Variants in STXBP5L observed in about 807,000 individuals in gnomAD.
STXBP5L encodes syntaxin-binding protein 5-like.
Under a neutral mutation model 144.5 loss-of-function variants are expected in STXBP5L, and 65 were observed. The ratio of observed to expected loss-of-function variants is 0.45; its 90% CI spans 0.37 to 0.55. The LOEUF (loss-of-function observed/expected upper bound fraction) is 0.55. Ranked by LOEUF, STXBP5L falls within the 20% of genes least tolerant of loss-of-function variation. STXBP5L has a pLI of 0.00. For synonymous variants in STXBP5L, 505 were observed against 469.6 expected (o/e 1.08, Z -0.97); for missense variants, 1,298 against 1,405.5 (o/e 0.92, Z 1.22).
At chr3:121,162,035 G>T (rs1398673006) in intron 9 of STXBP5L, among the ~76,000 whole-genome samples, 3 of 152,046 alleles carry the variant, frequency 2.0e-5, no homozygotes, top group East Asian at 1.9e-4. Flanking sequence ...TGTAACAGTA[G>T]AATTCTGTAC....
chr3:121,074,075 C>A lies in STXBP5L; in HGVS notation c.470+28540C>A, dbSNP rs769245246. ...GTACTGCAACAGGACACAGGGGTCA[C>A]TTGGTGGCACAAAAGCCTTCAGGTC... On this transcript the variant is annotated intron_variant, in intron 5 of 26. Coordinates refer to ENST00000471454, the MANE Select transcript of STXBP5L (RefSeq NM_001308330.2). Among the ~76,000 whole-genome samples, 3 of 152,178 alleles carry A rather than the reference C, an allele frequency of 2.0e-5. No homozygotes were observed. The South Asian group carries it at 6.2e-4, about 32-fold the overall frequency.
At chr3:121,391,080 T>A (rs1383653131) in intron 22 of STXBP5L, among the ~76,000 whole-genome samples, 2 of 152,154 alleles carry the variant, frequency 1.3e-5, no homozygotes. Context: ...CTTTATTCAT[T>A]TCTTTTTACT....
intron 20 of STXBP5L, among the ~76,000 whole-genome samples, chr3:121,348,635 G>A (rs1275040709): frequency 1.3e-5 from 2 of 151,896 alleles, no homozygotes; most frequent in African/African-American, 2.4e-5. Flanking sequence ...CAATTTCAAA[G>A]CCTGTTATTG....
chr3:121,209,895 C>T (rs1283556373), intron 10 of STXBP5L, among the ~76,000 whole-genome samples: 3 of 152,120 alleles, frequency 2.0e-5, no homozygotes, highest in Non-Finnish European at 4.4e-5. Context: ...ATAAACATAA[C>T]GTGTGCATGT....
intron 5 of STXBP5L, among the ~76,000 whole-genome samples, chr3:121,111,986 G>C (rs950373071): frequency 2.2e-4 from 33 of 152,158 alleles, no homozygotes; most frequent in African/African-American, 8.0e-4. Context: ...TCAGGGTCCA[G>C]CTTAAAGAGG....
intron 11 of STXBP5L, among the ~76,000 whole-genome samples, chr3:121,227,795 G>A (rs2049167740): frequency 6.6e-6 from 1 of 151,930 alleles, no homozygotes; most frequent in African/African-American, 2.4e-5. Context: ...ACATATCTTG[G>A]CATATCAGAA....
At chr3:120,911,964 AG>A (rs1708863574) in intron 2 of STXBP5L, among the ~76,000 whole-genome samples, 1 of 151,976 alleles carries the variant, frequency 6.6e-6, no homozygotes. Flanking sequence ...CTGAGTTCTA[AG>A]GAGCTGTCAT....
chr3:121,391,416 G>T (rs1469422202), intron 22 of STXBP5L, among the ~76,000 whole-genome samples: 1 of 152,156 alleles, frequency 6.6e-6, no homozygotes, highest in Non-Finnish European at 1.5e-5. Context: ...TCTCTGTCCA[G>T]CTTTGCTCTG....
rs186768873 is a variant in STXBP5L, at chr3:121,223,013, A to G, written c.967A>G (p.Ile323Val). The stretch of plus-strand genomic sequence containing the variant: ...TTTTTTCCTATGTAGCGAACCATTC[A>G]TAATATTCTCTGGTGGGCTGTCCTA... Reference protein sequence around the residue: ...YKTCKNSEPFIIFSGGLSYDK... With the variant: ...YKTCKNSEPFVIFSGGLSYDK... Residue 323 changes from isoleucine to valine, a missense_variant, in exon 11 of 27, where the codon ATA (isoleucine) becomes GTA (valine). By Grantham distance (29) the Ile-to-Val change is conservative. Transcript: ENST00000471454. 578 of 1,601,050 alleles carry G rather than the reference A, an allele frequency of 3.6e-4. 5 individuals carry two copies. The Admixed American group carries it at 6.9e-3, about 19-fold the overall frequency.
At chr3:120,945,653 G>A (rs1391668207) in intron 2 of STXBP5L, among the ~76,000 whole-genome samples, 1 of 151,692 alleles carries the variant, frequency 6.6e-6, no homozygotes, top group Non-Finnish European at 1.5e-5. Flanking sequence ...CATCTGAAGA[G>A]GCGAGAGTAA....
intron 9 of STXBP5L, among the ~76,000 whole-genome samples, chr3:121,178,166 A>T (rs2047008431): frequency 6.6e-6 from 1 of 152,210 alleles, no homozygotes; most frequent in Admixed American, 6.5e-5. Flanking sequence ...TCAGAGTTTC[A>T]GTTAAGGAAG....
intron 5 of STXBP5L, among the ~76,000 whole-genome samples, chr3:121,086,445 G>A (rs533828293): frequency 1.1e-3 from 160 of 151,328 alleles, no homozygotes; most frequent in Non-Finnish European, 1.8e-3. Flanking sequence ...ATAGCACAAT[G>A]CATTGCCCTT....
chr3:121,241,649 T>G (rs907124941), intron 14 of STXBP5L, among the ~76,000 whole-genome samples: 2 of 151,980 alleles, frequency 1.3e-5, no homozygotes, highest in Non-Finnish European at 2.9e-5. Flanking sequence ...CAGTAATGAG[T>G]AGCTACCACT....
chr3:121,345,465 A>T (rs1011546372), intron 20 of STXBP5L, among the ~76,000 whole-genome samples: 1 of 152,128 alleles, frequency 6.6e-6, no homozygotes, highest in African/African-American at 2.4e-5. Flanking sequence ...GCCACAATAA[A>T]CATACGTGTG....
In STXBP5L at chr3:121,396,556, T is replaced by C. The variant is rs137943353; in HGVS notation, c.2588-10687T>C. Among the ~76,000 whole-genome samples the C allele has an allele frequency of 1.8e-3, 277 of 152,324 alleles. 2 individuals carry two copies. Among genetic ancestry groups the C allele is most frequent in the African/African-American group, 6.3e-3 (264 of 41,584 alleles). On this transcript the variant is annotated intron_variant, in intron 22 of 26. Transcript: ENST00000471454. Reference sequence around the variant, plus strand: ...CCCAAATGAGAGAATATGTGTGACATCCGTTTGCCAAAGAGAGTTAGGTTC... The same window carrying C: ...CCCAAATGAGAGAATATGTGTGACACCCGTTTGCCAAAGAGAGTTAGGTTC...
chr3:121,238,174 A>G (rs561687101), intron 12 of STXBP5L, among the ~76,000 whole-genome samples: 3 of 152,316 alleles, frequency 2.0e-5, no homozygotes, highest in African/African-American at 7.2e-5. Context: ...ACCTGAAGCT[A>G]GTAATTTATT....
intron 9 of STXBP5L, among the ~76,000 whole-genome samples, chr3:121,187,611 G>GA (rs1327020678): frequency 3.7e-5 from 5 of 134,660 alleles, no homozygotes; most frequent in East Asian, 2.3e-4. Context: ...AAAAAAAAAA[G>GA]AAAAAAAATA....
chr3:121,160,920 TA>T (rs1200481431), intron 9 of STXBP5L, among the ~76,000 whole-genome samples: 2 of 152,214 alleles, frequency 1.3e-5, no homozygotes. Flanking sequence ...CAAAGCCTAT[TA>T]GAGCTAACAT....
intron 3 of STXBP5L, among the ~76,000 whole-genome samples, chr3:120,994,965 G>C (rs1943222186): frequency 6.6e-6 from 1 of 151,764 alleles, no homozygotes; most frequent in African/African-American, 2.4e-5. Flanking sequence ...ATTATTGGCT[G>C]TCCAGGTTTT....
Sources: gnomAD v4.1 joint callset for allele counts (sites outside exome capture counted in the v4.1 genomes callset) on GRCh38, gnomAD v4.1.1 for gene constraint, MANE v1.5 for transcripts, NCBI Gene and HGNC (gene_info 2026-07-23, HGNC 2026-07-21) for gene names.